WDR41: variants seen among roughly 807,000 people sequenced by gnomAD.
The protein encoded by WDR41 is WD repeat-containing protein 41.
WDR41 carries 63 observed loss-of-function variants against 69.3 expected under a neutral mutation model. The ratio of observed to expected loss-of-function variants is 0.91; its 90% confidence interval spans 0.74 to 1.12. The LOEUF is 1.12. WDR41 is among the 50% of genes most tolerant of loss of function. The pLI is 0.00. For synonymous variants in WDR41, 185 were observed against 192.1 expected, an observed-to-expected ratio of 0.96 and a Z score of 0.31; for missense variants, 543 against 534.5, an observed-to-expected ratio of 1.02 and a Z score of -0.16.
At chr5:77,459,648 T>A (rs886494312) in intron 4 of WDR41, among the ~76,000 whole-genome samples, 1 of 152,178 alleles carries the variant, frequency 6.6e-6, no homozygotes, top group African/African-American at 2.4e-5. Context: ...CCAAGTTCAG[T>A]TTGACTTAAG....
At chr5:77,464,274 C>CTTTT (rs71606297) in intron 3 of WDR41, among the ~76,000 whole-genome samples, 1,904 of 94,120 alleles carry the variant, frequency 0.02, 140 homozygotes, top group African/African-American at 0.039. Flanking sequence ...TAGGAAAAAA[C>CTTTT]TTTTTTTTTT....
Position 77,526,894 on chromosome 5 carries a change from C to T in WDR41, c.43-37322G>A, listed in dbSNP as rs144551025. Among the ~76,000 whole-genome samples, 20 of 152,190 alleles carry T rather than the reference C, an allele frequency of 1.3e-4. No individual in the cohort carries two copies. The East Asian group carries it at 3.9e-3, about 29-fold the overall frequency. ...TGGCTGTACTCAAAATTTGATATGG[C>T]TCCTTTCTTAGCCAGTGCTTCCAAT... On this transcript the variant is annotated intron_variant, in intron 1 of 5. Transcript: ENST00000509971.
In WDR41 at chr5:77,489,419, C is replaced by A. The variant is rs765847347; in HGVS notation, c.167+38G>T. 6.7e-6 allele frequency: 9 copies of A among 1,335,196 alleles called. No homozygotes were observed. In the Admixed American group the frequency reaches 2.1e-4, roughly 31 times the overall value. 82.7% of individuals were successfully genotyped at this position (1,335,196 alleles called of 1,614,324 possible). The stretch of plus-strand genomic sequence containing the variant: ...AACATAAAATTCCCTAAAACCTCTT[C>A]CCAAACAATAGTCAATTAGACCACT... On this transcript the variant is annotated intron_variant, in intron 2 of 12. Coordinates refer to ENST00000296679, the MANE Select transcript of WDR41 (RefSeq NM_018268.4).
chr5:77,545,773 A>T lies in WDR41; in HGVS notation c.43-56201T>A, dbSNP rs1743183631. The T allele has an allele frequency of 8.0e-6, 7 of 872,532 alleles. No homozygotes were observed. The African/African-American group carries it at 8.6e-5, about 11-fold the overall frequency. 54.0% of individuals were successfully genotyped at this position (872,532 alleles called of 1,614,324 possible). On this transcript the variant is annotated intron_variant, in intron 1 of 5. Coordinates refer to the WDR41 transcript ENST00000509971. ...GTTTGTTGCCTTGACTACATTGGGGACTACAATGGCCACGTCGGTCTGGGT... is the reference window on the plus strand; with the variant it reads ...GTTTGTTGCCTTGACTACATTGGGGTCTACAATGGCCACGTCGGTCTGGGT...
chr5:77,438,016 A>G (rs376716810), intron 10 of WDR41, among the ~76,000 whole-genome samples: 4 of 152,206 alleles, frequency 2.6e-5, no homozygotes, highest in African/African-American at 7.2e-5. Flanking sequence ...CTTCTTAACA[A>G]TGAAATTCAA....
intron 7 of WDR41, 37 bp downstream of exon 7, chr5:77,451,254 G>C: frequency 6.2e-7 from 1 of 1,601,326 alleles, no homozygotes; most frequent in Non-Finnish European, 8.5e-7. Flanking sequence ...TACAATTCTC[G>C]TTCAAAATAC....
In WDR41 at chr5:77,438,229, G is replaced by A; in HGVS notation, c.1004+11C>T. The A allele has an allele frequency of 1.2e-6, 2 of 1,613,772 alleles. No individual in the cohort carries two copies. The highest frequency in any genetic ancestry group is 1.7e-6 in the Non-Finnish European group (2 of 1,179,740). ...GCTTTCATCTATTGCAGAACAGATG[G>A]GAACTTGTACCTGTTTGGAAGTCTG... is the stretch of plus-strand genomic sequence containing the variant. On this transcript the variant is annotated intron_variant, in intron 10 of 12. Coordinates refer to ENST00000296679, the MANE Select transcript of WDR41 (RefSeq NM_018268.4).
chr5:77,435,549 G>A (rs1798904532), intron 12 of WDR41, among the ~76,000 whole-genome samples: 1 of 152,158 alleles, frequency 6.6e-6, no homozygotes, highest in Non-Finnish European at 1.5e-5. Context: ...AAGCATGAAT[G>A]CCCTTTCAAA....
chr5:77,543,014 C>T (rs1238259092), intron 1 of WDR41, among the ~76,000 whole-genome samples: 2 of 152,142 alleles, frequency 1.3e-5, no homozygotes, highest in Admixed American at 1.3e-4. Context: ...CAGCCCAGAG[C>T]CTGGTAGACT....
chr5:77,506,661 G>T (rs1330846473), intron 1 of WDR41, among the ~76,000 whole-genome samples: 1 of 152,164 alleles, frequency 6.6e-6, no homozygotes, highest in African/African-American at 2.4e-5. Flanking sequence ...TGATAGACAG[G>T]ATTAAGCAAA....
intron 1 of WDR41, among the ~76,000 whole-genome samples, chr5:77,531,336 A>G (rs974586427): frequency 6.6e-6 from 1 of 152,144 alleles, no homozygotes; most frequent in East Asian, 1.9e-4. Flanking sequence ...CAATTTAAAA[A>G]TGGGCAAAGG....
intron 1 of WDR41, among the ~76,000 whole-genome samples, chr5:77,604,411 C>A (rs1580048013): frequency 6.6e-6 from 1 of 152,168 alleles, no homozygotes; most frequent in Non-Finnish European, 1.5e-5. Flanking sequence ...AGAAACTTCT[C>A]TAGTAATAAA....
rs766433429 is a variant in WDR41, at chr5:77,440,844, A to G, written c.851T>C (p.Ile284Thr). The change falls in exon 9 of 13, where the codon ATT becomes ACT. Residue 284 changes from isoleucine to threonine, a missense_variant. Transcript: ENST00000296679. ...ATCACATGTGAAATGATGAATAGAA[A>G]TGTCATTTGATTTTTGACAGAGTTT... is the stretch of plus-strand genomic sequence containing the variant. ...EIKLCQKSND[I>T]SIHHFTCDEE... 2 of 1,614,188 alleles carry G rather than the reference A, an allele frequency of 1.2e-6. No individual in the cohort carries two copies. Among genetic ancestry groups the G allele is most frequent in the South Asian group, 1.1e-5 (1 of 91,086 alleles).
chr5:77,448,096 T>C (rs1799460535), intron 8 of WDR41, among the ~76,000 whole-genome samples: 1 of 152,212 alleles, frequency 6.6e-6, no homozygotes, highest in Non-Finnish European at 1.5e-5. Flanking sequence ...TGTATCATCC[T>C]ATCATCTTCA....
In WDR41 at chr5:77,477,533, C is replaced by T. The variant is rs1190095644; in HGVS notation, c.167+11924G>A. Among the ~76,000 whole-genome samples the T allele has an allele frequency of 8.0e-5, 7 of 87,310 alleles. No homozygotes were observed. The East Asian group carries it at 9.4e-4, about 12-fold the overall frequency. The allele number at this position is 87,310 out of a possible 152,430, so 57.3% of individuals were successfully genotyped here. A position where few individuals can be genotyped will look rare whatever the true frequency, so the allele number is the denominator to read the frequency against. On this transcript the variant is annotated intron_variant, in intron 2 of 12. Transcript: ENST00000296679. Reference sequence around the variant, plus strand: ...GGATTAAGAATCCCACTCAAAACCGCTCAACTACATGGAAACTGAACAACC... The same window carrying T: ...GGATTAAGAATCCCACTCAAAACCGTTCAACTACATGGAAACTGAACAACC...
intron 9 of WDR41, among the ~76,000 whole-genome samples, chr5:77,439,213 G>C (rs1337440481): frequency 6.6e-6 from 1 of 152,146 alleles, no homozygotes; most frequent in East Asian, 1.9e-4. Flanking sequence ...TCCCCATGAG[G>C]CAGACCTTTC....
chr5:77,480,604 C>T (rs1801186542), intron 2 of WDR41, among the ~76,000 whole-genome samples: 1 of 148,680 alleles, frequency 6.7e-6, no homozygotes, highest in Admixed American at 6.9e-5. Flanking sequence ...TATTCTCACT[C>T]ATAGGTGGGA....
intron 1 of WDR41, among the ~76,000 whole-genome samples, chr5:77,612,384 A>C (rs1241018160): frequency 2.6e-5 from 4 of 152,238 alleles, no homozygotes; most frequent in Non-Finnish European, 5.9e-5. Context: ...CATTGATGCA[A>C]AAATACTCAA....
chr5:77,574,036 G>A (rs148629633), intron 1 of WDR41, among the ~76,000 whole-genome samples: 158 of 152,126 alleles, frequency 1.0e-3, no homozygotes, highest in Middle Eastern at 3.4e-3. Context: ...AATGATTCAC[G>A]CCTGTAATCC....
Sources: gnomAD v4.1 joint callset for allele counts (sites outside exome capture counted in the v4.1 genomes callset) on GRCh38, gnomAD v4.1.1 for gene constraint, MANE v1.5 for transcripts, NCBI Gene and HGNC (gene_info 2026-07-23, HGNC 2026-07-21) for gene names.